POMGNT1: variants seen among roughly 807,000 people sequenced by gnomAD.
POMGNT1 encodes protein O-linked-mannose beta-1,2-N-acetylglucosaminyltransferase 1.
In POMGNT1, 67 loss-of-function variants were observed where a neutral mutation model predicts 95.6. That is an observed-to-expected ratio of 0.70 (90% CI 0.58 to 0.86). The LOEUF is 0.86. POMGNT1 is among the 40% of genes least tolerant of loss of function. POMGNT1 has a pLI of 0.00. For synonymous variants in POMGNT1, 298 were observed against 317.9 expected (o/e 0.94, Z 0.66); for missense variants, 719 against 855.2 (o/e 0.84, Z 1.99).
chr1:46,209,349 T>G (rs1557683916), intron 1 of POMGNT1, among the ~76,000 whole-genome samples: 1 of 151,962 alleles, frequency 6.6e-6, no homozygotes, highest in East Asian at 1.9e-4. Context: ...GCAAAAACCC[T>G]TAAAGGTCTT....
intron 19 of POMGNT1, 134 bp downstream of exon 19, chr1:46,190,339 C>G: frequency 8.1e-7 from 1 of 1,232,398 alleles, no homozygotes; most frequent in Non-Finnish European, 1.2e-6. Context: ...CCACCGCGCC[C>G]GGCCTGAAGT....
intron 2 of POMGNT1, 34 bp from the exon 3 acceptor site, chr1:46,197,118 A>G (rs747745543): frequency 4.3e-6 from 7 of 1,613,642 alleles, no homozygotes; most frequent in Admixed American, 3.3e-5. Context: ...TAAGAGGAGC[A>G]CCTCCTTCAG....
chr1:46,204,972 C>T (rs897049693), intron 1 of POMGNT1, among the ~76,000 whole-genome samples: 4 of 152,100 alleles, frequency 2.6e-5, no homozygotes, highest in African/African-American at 9.7e-5. Context: ...GAAACTGAGG[C>T]ACAGGGTGGG....
At chr1:46,219,906 AC>A in exon 1 of POMGNT1, 1 of 1,614,056 alleles carries the variant, frequency 6.2e-7, no homozygotes, top group Non-Finnish European at 8.5e-7. Flanking sequence ...CACCAGCACC[AC>A]CGACCGGCTG....
At chr1:46,216,043 C>T (rs376502562) in intron 1 of POMGNT1, among the ~76,000 whole-genome samples, 53 of 92,466 alleles carry the variant, frequency 5.7e-4, no homozygotes, top group East Asian at 1.1e-3. Flanking sequence ...TTTATTTTAT[C>T]TTTTTTTTTT....
In POMGNT1 at chr1:46,220,120, A is replaced by G. The variant is rs62620990; in HGVS notation, c.-466T>C. ...TGGAAGCCCCCAGGGGAGAGGCTTC[A>G]AGGTGGACCACCTGAGTCACCAGAG... is the stretch of plus-strand genomic sequence containing the variant. On this transcript the variant is annotated 5_prime_UTR_variant, in exon 1 of 23. Transcript: ENST00000371992. The G allele has an allele frequency of 0.035, 55,725 of 1,614,194 alleles. 1,132 individuals are homozygous for G. The highest frequency in any genetic ancestry group is 0.063 in the Middle Eastern group (382 of 6,060).
chr1:46,208,330 T>G (rs1355819933), intron 1 of POMGNT1, among the ~76,000 whole-genome samples: 1 of 152,186 alleles, frequency 6.6e-6, no homozygotes, highest in African/African-American at 2.4e-5. Context: ...CATTGTCTTA[T>G]CTTACCCACT....
At chr1:46,203,919 G>T (rs1658629787) in intron 1 of POMGNT1, among the ~76,000 whole-genome samples, 1 of 152,082 alleles carries the variant, frequency 6.6e-6, no homozygotes, top group African/African-American at 2.4e-5. Context: ...GGACTGGGAA[G>T]TACTGAGAAC....
rs535142828 is a variant in POMGNT1 at position 46,219,200 on chromosome 1, C to T, written c.-51+505G>A. Among the ~76,000 whole-genome samples the T allele has an allele frequency of 1.6e-3, 236 of 151,706 alleles. 1 individual carries two copies. The highest frequency in any genetic ancestry group is 3.0e-3 in the Non-Finnish European group (203 of 67,976). On this transcript the variant is annotated intron_variant, in intron 1 of 22. Transcript: ENST00000371992. Reference sequence around the variant, plus strand: ...ATCCCAGCTAATTGGGAGACTGAGGCAGGAGAATCGCTTGAACCCAGGAGG... The same window carrying T: ...ATCCCAGCTAATTGGGAGACTGAGGTAGGAGAATCGCTTGAACCCAGGAGG...
intron 1 of POMGNT1, among the ~76,000 whole-genome samples, chr1:46,214,544 T>C (rs1192048065): frequency 6.6e-6 from 1 of 151,920 alleles, no homozygotes; most frequent in Non-Finnish European, 1.5e-5. Context: ...AAACACATCA[T>C]GGCGGGGAAA....
At chr1:46,190,266 G>A (rs937499374) in intron 19 of POMGNT1, 8 of 720,270 alleles carry the variant, frequency 1.1e-5, no homozygotes, top group South Asian at 3.2e-5. Context: ...GGATGGTCTC[G>A]ATCTCCTGAC....
upstream of POMGNT1, chr1:46,203,346 CT>C: frequency 7.4e-7 from 1 of 1,342,910 alleles, no homozygotes; most frequent in Non-Finnish European, 9.8e-7. Flanking sequence ...TTTTGCTCCG[CT>C]TTAGCAGCGG....
At position 46,216,235 on chromosome 1, in the gene POMGNT1, A is replaced by G. The variant is rs1376715713; in HGVS notation, c.-51+3470T>C. Among the ~76,000 whole-genome samples, 4 of 151,742 alleles carry G rather than the reference A, an allele frequency of 2.6e-5. No homozygotes were observed. The East Asian group carries it at 7.8e-4, about 29-fold the overall frequency. ...CTAATTTTTTGTATTTTTAGTAGAGACGGGGTTTCACCGTGTTAGCCAGGA... is the reference window on the plus strand; with the variant it reads ...CTAATTTTTTGTATTTTTAGTAGAGGCGGGGTTTCACCGTGTTAGCCAGGA... On this transcript the variant is annotated intron_variant, in intron 1 of 22. Coordinates refer to the POMGNT1 transcript ENST00000371992.
In POMGNT1 at chr1:46,192,372, C is replaced by G. The variant is rs1657847224; in HGVS notation, c.1349G>C (p.Gly450Ala). 1 of 1,614,068 alleles carries G rather than the reference C, an allele frequency of 6.2e-7. No homozygotes were observed. Among genetic ancestry groups the G allele is most frequent in the South Asian group, 1.1e-5 (1 of 91,082 alleles). Residue 450 changes from glycine to alanine, a missense_variant, in exon 16 of 22, where the codon GGC becomes GCC. Around this residue, in one of 5 missense-constraint regions of POMGNT1, gnomAD observed 118 missense variants for 153.6 expected, o/e 0.77. Coordinates refer to ENST00000371984, the MANE Select transcript of POMGNT1 (RefSeq NM_017739.4). ...GTACAAGGACCTCCTGAGCACCCAG[C>G]CCAGCCCAGGCATGGTCTCCACACG... is the stretch of plus-strand genomic sequence containing the variant. ...LYRVETMPGL[G>A]WVLRRSLYKE...
chr1:46,188,835 G>C lies in POMGNT1; in HGVS notation c.*435C>G. On this transcript the variant is annotated 3_prime_UTR_variant, in exon 22 of 22. Transcript: ENST00000371984. ...TGGGCCCCAGCTGGGCCTGTCCATG[G>C]GTTGGGCACAGCAGTTTCCTGAGTA... The C allele has an allele frequency of 6.2e-7, 1 of 1,612,924 alleles. No homozygotes were observed. The highest frequency in any genetic ancestry group is 8.5e-7 in the Non-Finnish European group (1 of 1,179,900).
At position 46,196,931 on chromosome 1, in the gene POMGNT1, G is replaced by C. The variant is rs1402881278; in HGVS notation, c.235+39C>G. On this transcript the variant is annotated intron_variant, in intron 3 of 21. Coordinates refer to ENST00000371984, the MANE Select transcript of POMGNT1 (RefSeq NM_017739.4). This position sits in a 1 kb window ranked among gnomAD's most constrained non-coding sequence, Gnocchi z 4.4. The stretch of plus-strand genomic sequence containing the variant: ...GGTCTGCCTGCCACTCCAGCTGTGA[G>C]ATCCAAGGCCCCCTACCCCATCCTT... 1 of 1,614,216 alleles carries C rather than the reference G, an allele frequency of 6.2e-7. No homozygotes were observed. The highest frequency in any genetic ancestry group is 8.5e-7 in the Non-Finnish European group (1 of 1,180,036).
rs1357080327 is a variant in POMGNT1, at chr1:46,193,593, T to C, written c.997A>G (p.Ile333Val). Residue 333 changes from isoleucine to valine, a missense_variant, in exon 11 of 22, where the codon ATA (isoleucine) becomes GTA (valine). Physicochemically the swap from Ile to Val is conservative, Grantham distance 29. Transcript: ENST00000371984. ...LSAQGVSPQM[I>V]TVFIDGYYEE... Reference sequence around the variant, plus strand: ...TAGTAGCCGTCAATGAAAACTGTTATCATCTGAGGAGACACCCCCTGGGCT... The same window carrying C: ...TAGTAGCCGTCAATGAAAACTGTTACCATCTGAGGAGACACCCCCTGGGCT... The C allele has an allele frequency of 6.2e-6, 10 of 1,614,122 alleles. No individual in the cohort carries two copies. Among genetic ancestry groups the C allele is most frequent in the Non-Finnish European group, 8.5e-6 (10 of 1,180,012 alleles).
upstream of POMGNT1, chr1:46,203,300 T>G (rs926666758): frequency 1.6e-6 from 1 of 643,774 alleles, no homozygotes; most frequent in Non-Finnish European, 2.4e-6. Flanking sequence ...GGCGCCCTCC[T>G]CCCGCCCCCG....
intron 1 of POMGNT1, among the ~76,000 whole-genome samples, chr1:46,217,853 G>A (rs1659115433): frequency 6.6e-6 from 1 of 151,990 alleles, no homozygotes; most frequent in Non-Finnish European, 1.5e-5. Flanking sequence ...GAGAAACTCT[G>A]TCTCAAAAAA....
Sources: allele counts gnomAD v4.1 joint callset (sites outside exome capture counted in the v4.1 genomes callset), GRCh38; gene constraint gnomAD v4.1.1; regional missense constraint gnomAD v4.1.1; non-coding constraint Gnocchi (gnomAD v3.1); transcripts MANE v1.5; gene names NCBI Gene and HGNC (gene_info 2026-07-23, HGNC 2026-07-21).